Variants in C20orf203 observed in about 807,000 individuals in gnomAD.
The protein encoded by C20orf203 is chromosome 20 open reading frame 203, also known as uncharacterized protein C20orf203.
A neutral mutation model predicts 15.9 loss-of-function variants in C20orf203; 16 were observed. The ratio of observed to expected loss-of-function variants is 1.01; its 90% CI spans 0.68 to 1.53. The LOEUF (loss-of-function observed/expected upper bound fraction) is 1.53, where lower values mean the gene tolerates loss of function less well. C20orf203 is among the 40% of genes most tolerant of loss of function. The pLI, the probability that C20orf203 is intolerant of heterozygous loss-of-function variation, is 0.00. For missense variants in C20orf203, 263 were observed against 247.5 expected (o/e 1.06, Z -0.42); for synonymous variants, 98 against 97.2 (o/e 1.01, Z -0.05).
chr20:32,666,034 G>A (rs530205542), intron 1 of C20orf203, among the ~76,000 whole-genome samples: 6 of 152,038 alleles, frequency 3.9e-5, no homozygotes, highest in African/African-American at 1.4e-4. Context: ...TCAGGAGGCT[G>A]AGGCAGGAGG....
rs1219675602 is a variant in C20orf203, at chr20:32,659,588, A to G, written c.-263-7607T>C. 2.6e-5 allele frequency among the ~76,000 whole-genome samples: 4 copies of G among 152,250 alleles called. No individual in the cohort carries two copies. In the East Asian group the frequency reaches 7.7e-4, roughly 29 times the overall value. Reference sequence around the variant, plus strand: ...AGTGGAGGTGCCTGCAGCAGCCACTATCTTTGAGACTGGACCTGGCTGGAC... The same window carrying G: ...AGTGGAGGTGCCTGCAGCAGCCACTGTCTTTGAGACTGGACCTGGCTGGAC... On this transcript the variant is annotated intron_variant, in intron 1 of 5. Transcript: ENST00000608990.
At chr20:32,638,910 A>G (rs1385293657) in intron 5 of C20orf203, among the ~76,000 whole-genome samples, 2 of 152,204 alleles carry the variant, frequency 1.3e-5, no homozygotes, top group African/African-American at 2.4e-5. Context: ...CCAAGTGTAT[A>G]TTCTGTGTCA....
At position 32,673,792 on chromosome 20, in the gene C20orf203, C is replaced by T. The variant is rs1197314578; in HGVS notation, c.-424G>A. The stretch of plus-strand genomic sequence containing the variant: ...CGACGCAAAGCAGAGAGCCCGCCAG[C>T]GTAGCCACTCAGAGCTGAGTGGTGG... On this transcript the variant is annotated 5_prime_UTR_variant, in exon 1 of 6. Coordinates refer to ENST00000608990, the MANE Select transcript of C20orf203 (RefSeq NM_182584.4). 1.3e-5 allele frequency: 2 copies of T among 152,224 alleles called. No individual in the cohort carries two copies. The highest frequency in any genetic ancestry group is 4.8e-5 in the African/African-American group (2 of 41,450). 9.4% of individuals were successfully genotyped at this position (152,224 alleles called of 1,614,324 possible).
At chr20:32,645,090 T>TG (rs1186862795) in intron 4 of C20orf203, among the ~76,000 whole-genome samples, 2 of 152,072 alleles carry the variant, frequency 1.3e-5, no homozygotes, top group African/African-American at 2.4e-5. Flanking sequence ...AGGAATTGGT[T>TG]GGGGGGCTAA....
chr20:32,656,013 G>A (rs1322561273), intron 1 of C20orf203, among the ~76,000 whole-genome samples: 3 of 152,168 alleles, frequency 2.0e-5, no homozygotes, highest in African/African-American at 7.2e-5. Context: ...GTCTGAAGGA[G>A]GCTGGCAGTG....
chr20:32,644,318 T>C (rs1982364782), intron 4 of C20orf203, among the ~76,000 whole-genome samples: 1 of 151,944 alleles, frequency 6.6e-6, no homozygotes, highest in Non-Finnish European at 1.5e-5. Context: ...TGTGGTGGCG[T>C]ACACCTGTAG....
At chr20:32,668,574 C>T (rs574421583) in intron 1 of C20orf203, among the ~76,000 whole-genome samples, 6 of 150,966 alleles carry the variant, frequency 4.0e-5, no homozygotes, top group Non-Finnish European at 5.9e-5. Flanking sequence ...TGCAGTGAGC[C>T]GAGATTGAGC....
chr20:32,645,858 C>A (rs1982411558), intron 4 of C20orf203, among the ~76,000 whole-genome samples: 1 of 152,212 alleles, frequency 6.6e-6, no homozygotes, highest in Non-Finnish European at 1.5e-5. Context: ...ACCTTTTTCC[C>A]AGTCCAGTAC....
At chr20:32,661,249 C>T (rs1007452283) in intron 1 of C20orf203, among the ~76,000 whole-genome samples, 16 of 152,180 alleles carry the variant, frequency 1.1e-4, no homozygotes, top group African/African-American at 1.2e-4. Context: ...GGCTCTTTGC[C>T]GGGCATTGAG....
chr20:32,650,631 G>A lies in C20orf203; in HGVS notation c.386C>T (p.Pro129Leu). Residue 129 changes from proline (P) to leucine (L), a missense_variant, in exon 4 of 6, where the codon CCT becomes CTT. Coordinates refer to ENST00000608990, the MANE Select transcript of C20orf203 (RefSeq NM_182584.4). ...DREVGRGLRAPAGRGRAMGGM... is the reference protein window; with the variant it reads ...DREVGRGLRALAGRGRAMGGM... ...TCCCATTGCCCTCCCCCGCCCAGCAGGGGCCCGCAGCCCCCTCCCCACTTC... is the reference window on the plus strand; with the variant it reads ...TCCCATTGCCCTCCCCCGCCCAGCAAGGGCCCGCAGCCCCCTCCCCACTTC... 1 of 1,540,766 alleles carries A rather than the reference G, an allele frequency of 6.5e-7. No individual in the cohort carries two copies. The highest frequency in any genetic ancestry group is 8.8e-7 in the Non-Finnish European group (1 of 1,138,496).
At chr20:32,647,382 T>G (rs1600930156) in intron 4 of C20orf203, among the ~76,000 whole-genome samples, 2 of 107,994 alleles carry the variant, frequency 1.9e-5, no homozygotes, top group East Asian at 2.6e-4. Context: ...GAGACAAGAG[T>G]GAAACTCCGT....
At chr20:32,653,817 G>A (rs949465705) in intron 1 of C20orf203, among the ~76,000 whole-genome samples, 1 of 152,174 alleles carries the variant, frequency 6.6e-6, no homozygotes, top group Admixed American at 6.5e-5. Flanking sequence ...TCTTGGTTGG[G>A]AGCAGTGGCT....
Position 32,650,421 on chromosome 20 carries a change from C to G in C20orf203, c.*11G>C. The G allele has an allele frequency of 6.5e-7, 1 of 1,543,390 alleles. No individual in the cohort carries two copies. The highest frequency in any genetic ancestry group is 8.8e-7 in the Non-Finnish European group (1 of 1,142,062). On this transcript the variant is annotated 3_prime_UTR_variant, in exon 4 of 6. Transcript: ENST00000608990. Reference sequence around the variant, plus strand: ...CAGGCAGAGCTGGGGGTGGGGGCGCCCTGGGCTCGGCTAATTAAACAGCGA... The same window carrying G: ...CAGGCAGAGCTGGGGGTGGGGGCGCGCTGGGCTCGGCTAATTAAACAGCGA...
At chr20:32,642,611 G>A (rs1263258497) in intron 4 of C20orf203, among the ~76,000 whole-genome samples, 1 of 152,192 alleles carries the variant, frequency 6.6e-6, no homozygotes, top group Non-Finnish European at 1.5e-5. Flanking sequence ...AGGCTGGGAA[G>A]GAGAGGCCAG....
Position 32,650,347 on chromosome 20 carries a change from G to T in C20orf203, c.*85C>A. The T allele has an allele frequency of 1.1e-6, 1 of 932,110 alleles. No individual in the cohort carries two copies. The allele number at this position is 932,110 out of a possible 1,614,324, so 57.7% of individuals were successfully genotyped here. A position where few individuals can be genotyped will look rare whatever the true frequency, so the allele number is the denominator to read the frequency against. Reference sequence around the variant, plus strand: ...TCTGGGGAGCAGAATGATTGTGGGGGGTGGTAACAGGGGACACCCTGAGGT... The same window carrying T: ...TCTGGGGAGCAGAATGATTGTGGGGTGTGGTAACAGGGGACACCCTGAGGT... On this transcript the variant is annotated 3_prime_UTR_variant, in exon 4 of 6. Transcript: ENST00000608990.
In C20orf203 at chr20:32,650,469, T is replaced by C; in HGVS notation, c.548A>G (p.Gln183Arg). ...CGACCGTGATGAATTGGAGAGAAAC[T>C]GCTGCTTGCTAATTAAAGGTGCAGG... ...KLPAPLISKQ[Q>R]FLSNSSRSLF... Residue 183 changes from glutamine to arginine, a missense_variant, in exon 4 of 6, where the codon CAG (glutamine) becomes CGG (arginine). Physicochemically the swap from Gln to Arg is conservative, Grantham distance 43 (BLOSUM62 1). Transcript: ENST00000608990. The C allele has an allele frequency of 6.4e-7, 1 of 1,550,582 alleles. No homozygotes were observed. Among genetic ancestry groups the C allele is most frequent in the Non-Finnish European group, 8.7e-7 (1 of 1,146,986 alleles).
At chr20:32,670,125 G>C (rs986958258) in intron 1 of C20orf203, among the ~76,000 whole-genome samples, 2 of 151,830 alleles carry the variant, frequency 1.3e-5, no homozygotes, top group Non-Finnish European at 2.9e-5. Context: ...CAGGAGAATC[G>C]CTTGAACCCG....
intron 1 of C20orf203, among the ~76,000 whole-genome samples, chr20:32,665,915 GAC>G (rs1983008395): frequency 6.6e-6 from 1 of 151,234 alleles, no homozygotes; most frequent in African/African-American, 2.4e-5. Context: ...CAGCCTGGGT[GAC>G]AGAGTGAGAC....
rs1236929217 is a variant in C20orf203 at position 32,650,624 on chromosome 20, C to A, written c.393G>T (p.Gly131=). 1 of 1,548,486 alleles carries A rather than the reference C, an allele frequency of 6.5e-7. No homozygotes were observed. The highest frequency in any genetic ancestry group is 1.2e-5 in the South Asian group (1 of 84,000). The part of the protein sequence containing the change: ...EVGRGLRAPA[G]RGRAMGGMPR... ...GCATCCCTCCCATTGCCCTCCCCCG[C>A]CCAGCAGGGGCCCGCAGCCCCCTCC... The change falls in exon 4 of 6, where the codon GGG becomes GGT. Residue 131 remains glycine (G), a synonymous_variant. Coordinates refer to ENST00000608990, the MANE Select transcript of C20orf203 (RefSeq NM_182584.4).
Sources: allele counts gnomAD v4.1 joint callset (sites outside exome capture counted in the v4.1 genomes callset), GRCh38; gene constraint gnomAD v4.1.1; transcripts MANE v1.5; gene names NCBI Gene and HGNC (gene_info 2026-07-23, HGNC 2026-07-21).